The following DNAJC16 variants were observed in gnomAD, a reference collection of about 807,000 sequenced individuals.
DNAJC16 encodes the protein dnaJ homolog subfamily C member 16.
Under a neutral mutation model 92.7 loss-of-function variants are expected in DNAJC16, and 76 were observed. The observed-to-expected ratio is 0.82, with a 90% CI of 0.68 to 0.99. The LOEUF (loss-of-function observed/expected upper bound fraction) is 0.99, where lower values mean the gene tolerates loss of function less well. Among genes scored for constraint, DNAJC16 ranks in the 50% least tolerant of loss-of-function variants. DNAJC16 has a pLI of 0.00. For synonymous variants in DNAJC16, 328 were observed against 358.7 expected (o/e 0.91, Z 0.97); for missense variants, 869 against 942.4 (o/e 0.92, Z 1.02).
At position 15,561,514 on chromosome 1, in the gene DNAJC16, G is replaced by T. The variant is rs543141859; in HGVS notation, c.1155-628G>T. ...AGCCTGGCCAACATAGTGAAAACCC[G>T]TCTCTACTAAAAATACAAAAACTAG... On this transcript the variant is annotated intron_variant, in intron 8 of 14. Coordinates refer to ENST00000375847, the MANE Select transcript of DNAJC16 (RefSeq NM_015291.4). 2.6e-4 allele frequency among the ~76,000 whole-genome samples: 39 copies of T among 151,490 alleles called. 1 individual carries two copies. In the South Asian group the frequency reaches 7.5e-3, roughly 29 times the overall value.
chr1:15,528,944 A>T (rs373709882), intron 1 of DNAJC16, 144 bp from the exon 2 acceptor site: 1 of 565,026 alleles, frequency 1.8e-6, no homozygotes. Flanking sequence ...TTATTTTAAG[A>T]TACAGTTCAA....
Position 15,536,668 on chromosome 1 carries a change from T to C in DNAJC16, c.428T>C (p.Leu143Ser). 6.2e-7 allele frequency: 1 copy of C among 1,614,186 alleles called. No individual in the cohort carries two copies. The highest frequency in any genetic ancestry group is 1.1e-5 in the South Asian group (1 of 91,074). The change falls in exon 4 of 15, where the codon TTA becomes TCA. Residue 143 changes from leucine (L) to serine (S), a missense_variant. Leu to Ser is a moderately radical substitution (Grantham distance 145). Coordinates refer to ENST00000375847, the MANE Select transcript of DNAJC16 (RefSeq NM_015291.4). ...CGGGACTCAATTGACGAAAAGTATT[T>C]ATTGCACTTTTCACATTATGTGAAT... ...ERRDSIDEKYLLHFSHYVNEV... is the reference protein window; with the variant it reads ...ERRDSIDEKYSLHFSHYVNEV...
intron 7 of DNAJC16, among the ~76,000 whole-genome samples, chr1:15,549,919 T>G (rs1638404744): frequency 2.0e-5 from 3 of 152,220 alleles, no homozygotes; most frequent in Admixed American, 2.0e-4. Flanking sequence ...AATATTGTTG[T>G]TGTTAATCTC....
chr1:15,535,591 C>A (rs1245671483), intron 3 of DNAJC16, among the ~76,000 whole-genome samples: 3 of 151,974 alleles, frequency 2.0e-5, no homozygotes, highest in African/African-American at 7.2e-5. Context: ...AAAAATTAGC[C>A]AGGCATGGTG....
intron 7 of DNAJC16, among the ~76,000 whole-genome samples, chr1:15,558,546 G>T (rs11584209): frequency 0.27 from 41,553 of 151,860 alleles, 6,510 homozygotes; most frequent in African/African-American, 0.42. Flanking sequence ...TGCACAGGCT[G>T]GTCTCTAACT....
At position 15,568,875 on chromosome 1, in the gene DNAJC16, C is replaced by T. The variant is rs928995232; in HGVS notation, c.*698C>T. The T allele has an allele frequency of 3.0e-5, 12 of 395,844 alleles. No individual in the cohort carries two copies. Among genetic ancestry groups the T allele is most frequent in the Admixed American group, 2.7e-4 (6 of 22,622 alleles). 24.5% of individuals were successfully genotyped at this position (395,844 alleles called of 1,614,324 possible). On this transcript the variant is annotated 3_prime_UTR_variant, in exon 15 of 15. Transcript: ENST00000375847. The stretch of plus-strand genomic sequence containing the variant: ...GCTGAAGCGATGCAGCCTTGAGACA[C>T]GCTGTGAGCATCCCATCCGCCGCCC...
intron 6 of DNAJC16, among the ~76,000 whole-genome samples, chr1:15,547,442 G>A (rs1428438216): frequency 2.7e-5 from 4 of 146,232 alleles, no homozygotes; most frequent in African/African-American, 1.0e-4. Context: ...CACTGTGATG[G>A]GCTTTTTTTT....
intron 7 of DNAJC16, among the ~76,000 whole-genome samples, chr1:15,559,088 C>T (rs978522794): frequency 7.9e-5 from 12 of 152,238 alleles, no homozygotes; most frequent in African/African-American, 2.2e-4. Context: ...TACAGACACA[C>T]GTCACCATGC....
At position 15,569,010 on chromosome 1, in the gene DNAJC16, G is replaced by C; in HGVS notation, c.*833G>C. ...TGCCTTTCTGCCTCTGTCGATTTTA[G>C]GGTATGGATATTAGGAGCCATAACT... On this transcript the variant is annotated 3_prime_UTR_variant, in exon 15 of 15. Transcript: ENST00000375847. The C allele has an allele frequency of 3.7e-6, 1 of 270,498 alleles. No homozygotes were observed. Among genetic ancestry groups the C allele is most frequent in the East Asian group, 6.5e-5 (1 of 15,440 alleles). The allele number at this position is 270,498 out of a possible 1,614,324, so 16.8% of individuals were successfully genotyped here.
chr1:15,568,507 A>G lies in DNAJC16; in HGVS notation c.*330A>G. 2 of 448,880 alleles carry G rather than the reference A, an allele frequency of 4.5e-6. No homozygotes were observed. Among genetic ancestry groups the G allele is most frequent in the Non-Finnish European group, 7.8e-6 (2 of 256,006 alleles). 27.8% of individuals were successfully genotyped at this position (448,880 alleles called of 1,614,324 possible). A position where few individuals can be genotyped will look rare whatever the true frequency, so the allele number is the denominator to read the frequency against. Reference sequence around the variant, plus strand: ...ACCCTCCTGTCCTGTGTCTTGGAGAAGCACAGGGCTCCACCCTGCAAGCGG... The same window carrying G: ...ACCCTCCTGTCCTGTGTCTTGGAGAGGCACAGGGCTCCACCCTGCAAGCGG... On this transcript the variant is annotated 3_prime_UTR_variant, in exon 15 of 15. Coordinates refer to ENST00000375847, the MANE Select transcript of DNAJC16 (RefSeq NM_015291.4).
intron 6 of DNAJC16, among the ~76,000 whole-genome samples, chr1:15,547,426 A>G (rs111964041): frequency 0.012 from 1,727 of 147,546 alleles, 40 homozygotes; most frequent in African/African-American, 0.04. Flanking sequence ...GATTACAGGC[A>G]TGAGCCACTG....
chr1:15,566,000 G>A lies in DNAJC16; in HGVS notation c.1679+1G>A. ...GCACTGTCATCGTTCAGGCTTTCAGGTAAATGTCCTGTGGCTTCTCGGTGC... is the reference window on the plus strand; with the variant it reads ...GCACTGTCATCGTTCAGGCTTTCAGATAAATGTCCTGTGGCTTCTCGGTGC... On this transcript the variant is annotated splice_donor_variant, in intron 12 of 14. Coordinates refer to ENST00000375847, the MANE Select transcript of DNAJC16 (RefSeq NM_015291.4). LOFTEE classifies it high-confidence loss of function. 1 of 1,613,718 alleles carries A rather than the reference G, an allele frequency of 6.2e-7. No individual in the cohort carries two copies. The highest frequency in any genetic ancestry group is 1.3e-5 in the African/African-American group (1 of 74,894).
At chr1:15,530,216 A>T (rs1030277921) in intron 2 of DNAJC16, among the ~76,000 whole-genome samples, 3 of 151,362 alleles carry the variant, frequency 2.0e-5, no homozygotes, top group African/African-American at 7.3e-5. Context: ...CAGGAGTTTG[A>T]GACCAGCCTG....
chr1:15,535,862 A>G (rs933315268), intron 3 of DNAJC16, among the ~76,000 whole-genome samples: 3 of 151,672 alleles, frequency 2.0e-5, no homozygotes, highest in Non-Finnish European at 4.4e-5. Flanking sequence ...ACTGGGCTCA[A>G]GCAATCTCCC....
At chr1:15,550,974 A>T (rs746098678) in intron 7 of DNAJC16, among the ~76,000 whole-genome samples, 12 of 152,174 alleles carry the variant, frequency 7.9e-5, no homozygotes, top group Non-Finnish European at 1.5e-4. Context: ...GGTTCAGGCA[A>T]TTCTTCTGCC....
In DNAJC16 at chr1:15,568,285, T is replaced by A; in HGVS notation, c.*108T>A. 1 of 972,292 alleles carries A rather than the reference T, an allele frequency of 1.0e-6. No homozygotes were observed. Among genetic ancestry groups the A allele is most frequent in the Non-Finnish European group, 1.5e-6 (1 of 650,786 alleles). The allele number at this position is 972,292 out of a possible 1,614,324, so 60.2% of individuals were successfully genotyped here. Reference sequence around the variant, plus strand: ...CAATGAACAGAGTATAGATTTTAGATTGCTCTTCTAGAACCATGGCTAGAA... The same window carrying A: ...CAATGAACAGAGTATAGATTTTAGAATGCTCTTCTAGAACCATGGCTAGAA... On this transcript the variant is annotated 3_prime_UTR_variant, in exon 15 of 15. Coordinates refer to ENST00000375847, the MANE Select transcript of DNAJC16 (RefSeq NM_015291.4).
intron 8 of DNAJC16, among the ~76,000 whole-genome samples, chr1:15,561,400 G>C (rs1638687321): frequency 6.6e-6 from 1 of 152,086 alleles, no homozygotes; most frequent in Admixed American, 6.6e-5. Context: ...AAAAGGCCCT[G>C]CCGGCCAGGA....
At position 15,534,220 on chromosome 1, in the gene DNAJC16, G is replaced by T; in HGVS notation, c.168-17G>T. On this transcript the variant is annotated splice_polypyrimidine_tract_variant and intron_variant, in intron 2 of 14. Coordinates refer to ENST00000375847, the MANE Select transcript of DNAJC16 (RefSeq NM_015291.4). Reference sequence around the variant, plus strand: ...AAAGTTACATCCTTTCTCACCGCCTGCCTGTTTGTGTTTCAGGCATCCTGA... The same window carrying T: ...AAAGTTACATCCTTTCTCACCGCCTTCCTGTTTGTGTTTCAGGCATCCTGA... The T allele has an allele frequency of 4.3e-6, 7 of 1,613,758 alleles. No homozygotes were observed. The highest frequency in any genetic ancestry group is 5.9e-6 in the Non-Finnish European group (7 of 1,179,826).
Position 15,568,724 on chromosome 1 carries a change from T to G in DNAJC16, c.*547T>G. 2.5e-6 allele frequency: 1 copy of G among 398,954 alleles called. No homozygotes were observed. Among genetic ancestry groups the G allele is most frequent in the East Asian group, 3.6e-5 (1 of 28,080 alleles). The allele number at this position is 398,954 out of a possible 1,614,324, so 24.7% of individuals were successfully genotyped here. A position where few individuals can be genotyped will look rare whatever the true frequency, so the allele number is the denominator to read the frequency against. On this transcript the variant is annotated 3_prime_UTR_variant, in exon 15 of 15. Coordinates refer to ENST00000375847, the MANE Select transcript of DNAJC16 (RefSeq NM_015291.4). ...GTTTACTGGTTGTTCTGGGAGTAAG[T>G]GGCTAAATGTATATTTTGGGGGTAT... is the stretch of plus-strand genomic sequence containing the variant.
Sources: allele counts gnomAD v4.1 joint callset (sites outside exome capture counted in the v4.1 genomes callset), GRCh38; gene constraint gnomAD v4.1.1; transcripts MANE v1.5; gene names NCBI Gene and HGNC (gene_info 2026-07-23, HGNC 2026-07-21).